SGTB: variants seen among roughly 807,000 people sequenced by gnomAD.
The protein encoded by SGTB is small glutamine rich tetratricopeptide repeat co-chaperone beta, also known as small glutamine-rich tetratricopeptide repeat-containing protein beta.
SGTB carries 19 observed loss-of-function variants against 43.9 expected under a neutral mutation model. That is an observed-to-expected ratio of 0.43 (90% confidence interval 0.30 to 0.63). The LOEUF is 0.63. Among genes scored for constraint, SGTB ranks in the 30% least tolerant of loss-of-function variants. The probability of loss-of-function intolerance (pLI) is 0.12; values close to 1 mark genes in which losing one functional copy is unlikely to be tolerated. For missense variants in SGTB, 304 were observed against 358.9 expected (o/e 0.85, Z 1.24); for synonymous variants, 116 against 117.3 (o/e 0.99, Z 0.07).
rs532635444 is a variant in SGTB at position 65,719,263 on chromosome 5, T to C, written c.100+1445A>G. ...GATTTATAACTATACTGTCATTTAT[T>C]AAGTTCTTCCAAATGCACTCTCACT... On this transcript the variant is annotated intron_variant, in intron 2 of 10. Transcript: ENST00000381007. Among the ~76,000 whole-genome samples, 5 of 152,318 alleles carry C rather than the reference T, an allele frequency of 3.3e-5. No individual in the cohort carries two copies. In the East Asian group the frequency reaches 9.6e-4, roughly 29 times the overall value.
At chr5:65,688,725 A>T (rs550896719) in intron 5 of SGTB, among the ~76,000 whole-genome samples, 1 of 152,330 alleles carries the variant, frequency 6.6e-6, no homozygotes, top group Non-Finnish European at 1.5e-5. Flanking sequence ...ACCTAGCAAA[A>T]GTTTTCAAAG....
At chr5:65,707,685 G>A (rs970477743) in intron 4 of SGTB, among the ~76,000 whole-genome samples, 3 of 151,910 alleles carry the variant, frequency 2.0e-5, no homozygotes, top group Non-Finnish European at 4.4e-5. Flanking sequence ...CACCCACCTC[G>A]GCCTCCCAAA....
chr5:65,679,254 T>C (rs566568726), intron 8 of SGTB, among the ~76,000 whole-genome samples: 17 of 152,284 alleles, frequency 1.1e-4, no homozygotes, highest in African/African-American at 2.9e-4. Flanking sequence ...CTCAACATCA[T>C]TGATCATTAG....
chr5:65,680,052 T>C (rs574665835), intron 8 of SGTB, among the ~76,000 whole-genome samples: 6 of 152,298 alleles, frequency 3.9e-5, no homozygotes, highest in East Asian at 1.9e-4. Context: ...ACCATTTTAC[T>C]TAACAAACTA....
At chr5:65,680,963 T>G (rs1757385493) in intron 6 of SGTB, among the ~76,000 whole-genome samples, 169 bp from the exon 7 acceptor site, 1 of 152,132 alleles carries the variant, frequency 6.6e-6, no homozygotes, top group Non-Finnish European at 1.5e-5. Flanking sequence ...CAACTTAAGA[T>G]TCTATATATC....
chr5:65,707,956 A>G (rs917809753), intron 4 of SGTB, among the ~76,000 whole-genome samples: 1 of 152,198 alleles, frequency 6.6e-6, no homozygotes, highest in Non-Finnish European at 1.5e-5. Context: ...AGCTTAACAT[A>G]GCTGACATAA....
At chr5:65,673,162 C>T (rs868667136) in intron 8 of SGTB, among the ~76,000 whole-genome samples, 1 of 152,218 alleles carries the variant, frequency 6.6e-6, no homozygotes, top group Non-Finnish European at 1.5e-5. Context: ...GTAAGCAATC[C>T]TCCTGTCACT....
chr5:65,703,834 G>A lies in SGTB; in HGVS notation c.374+445C>T, dbSNP rs1425288867. 3.3e-5 allele frequency among the ~76,000 whole-genome samples: 5 copies of A among 151,962 alleles called. 1 individual carries two copies. The highest frequency in any genetic ancestry group is 3.9e-4 in the East Asian group (2 of 5,178). On this transcript the variant is annotated intron_variant, in intron 5 of 10. Coordinates refer to ENST00000381007, the MANE Select transcript of SGTB (RefSeq NM_019072.3). ...AGGCAGATCACGAGGTCAGGGGATC[G>A]AGACCATCCTGGCTAACACGGTGAA...
intron 8 of SGTB, 127 bp downstream of exon 8, chr5:65,680,367 A>G (rs1757371112): frequency 1.1e-6 from 1 of 877,260 alleles, no homozygotes; most frequent in African/African-American, 1.7e-5. Flanking sequence ...GAACCCTGCT[A>G]TAGCCTTATA....
intron 5 of SGTB, among the ~76,000 whole-genome samples, chr5:65,686,841 G>A (rs1403511331): frequency 6.6e-6 from 1 of 152,088 alleles, no homozygotes; most frequent in African/African-American, 2.4e-5. Context: ...TATCAGTGAG[G>A]ATCCTTGCTA....
Position 65,673,405 on chromosome 5 carries a change from G to A in SGTB, c.682-1124C>T, listed in dbSNP as rs138150140. Among the ~76,000 whole-genome samples, 12 of 152,288 alleles carry A rather than the reference G, an allele frequency of 7.9e-5. 1 individual carries two copies. The highest frequency in any genetic ancestry group is 4.6e-4 in the Admixed American group (7 of 15,294). ...CCAGGCTGCACAGCAGCAGGTAAGC[G>A]GTGGGCGAGCAAGCATTACTGCCTG... On this transcript the variant is annotated intron_variant, in intron 8 of 10. Transcript: ENST00000381007.
intron 6 of SGTB, among the ~76,000 whole-genome samples, chr5:65,682,199 A>G (rs559640289): frequency 1.3e-5 from 2 of 152,344 alleles, no homozygotes; most frequent in South Asian, 4.1e-4. Context: ...AAAGGTCCCA[A>G]GAAAGATGCA....
chr5:65,696,797 C>T (rs1458589994), intron 5 of SGTB, among the ~76,000 whole-genome samples: 1 of 152,098 alleles, frequency 6.6e-6, no homozygotes, highest in Non-Finnish European at 1.5e-5. Flanking sequence ...TCAGGTTTTC[C>T]TTTTATCAAA....
intron 3 of SGTB, among the ~76,000 whole-genome samples, 164 bp from the exon 4 acceptor site, chr5:65,708,722 C>G (rs1322277591): frequency 6.6e-6 from 1 of 151,864 alleles, no homozygotes; most frequent in Non-Finnish European, 1.5e-5. Flanking sequence ...GGGGAAAAGT[C>G]CTCTCATATA....
At position 65,713,069 on chromosome 5, in the gene SGTB, A is replaced by T. The variant is rs756110370; in HGVS notation, c.101-5T>A. 5 of 1,599,530 alleles carry T rather than the reference A, an allele frequency of 3.1e-6. No homozygotes were observed. The East Asian group carries it at 1.1e-4, about 36-fold the overall frequency. ...TCTCCAAGCACTGAATTGCAACTTG[A>T]AATAAATTTTAATAGTAAAAAACAA... On this transcript the variant is annotated splice_region_variant and splice_polypyrimidine_tract_variant and intron_variant, in intron 2 of 10. Transcript: ENST00000381007.
At chr5:65,688,360 A>C (rs7705762) in intron 5 of SGTB, among the ~76,000 whole-genome samples, 7,326 of 152,194 alleles carry the variant, frequency 0.048, 573 homozygotes, top group African/African-American at 0.17. Flanking sequence ...TGGAAATCTG[A>C]TAACGGTGAT....
In SGTB at chr5:65,666,161, G is replaced by A. The variant is rs1757032536; in HGVS notation, c.*4085C>T. On this transcript the variant is annotated 3_prime_UTR_variant, in exon 11 of 11. Coordinates refer to ENST00000381007, the MANE Select transcript of SGTB (RefSeq NM_019072.3). ...ATTGGATACTTGGATTGTTTTTCAA[G>A]CATCTTCTTATGACTAAATCTTCTG... 1 of 152,458 alleles carries A rather than the reference G, an allele frequency of 6.6e-6. No homozygotes were observed. Among genetic ancestry groups the A allele is most frequent in the South Asian group, 2.1e-4 (1 of 4,828 alleles). The allele number at this position is 152,458 out of a possible 1,614,324, so 9.4% of individuals were successfully genotyped here.
Position 65,669,012 on chromosome 5 carries a change from A to G in SGTB, c.*1234T>C, listed in dbSNP as rs1757100746. The G allele has an allele frequency of 6.6e-6, 1 of 152,178 alleles. No individual in the cohort carries two copies. Among genetic ancestry groups the G allele is most frequent in the Non-Finnish European group, 1.5e-5 (1 of 68,040 alleles). The allele number at this position is 152,178 out of a possible 1,614,324, so 9.4% of individuals were successfully genotyped here. On this transcript the variant is annotated 3_prime_UTR_variant, in exon 11 of 11. Coordinates refer to ENST00000381007, the MANE Select transcript of SGTB (RefSeq NM_019072.3). ...ATTTCATTATTAATAAACAAAAAATATACTCTAGTTGGAATTAAACTCTCA... is the reference window on the plus strand; with the variant it reads ...ATTTCATTATTAATAAACAAAAAATGTACTCTAGTTGGAATTAAACTCTCA...
intron 5 of SGTB, among the ~76,000 whole-genome samples, chr5:65,695,857 C>A (rs1757705162): frequency 6.6e-6 from 1 of 152,118 alleles, no homozygotes; most frequent in African/African-American, 2.4e-5. Context: ...TTACAACTAC[C>A]CTTTGAAGTG....
Sources: allele counts gnomAD v4.1 joint callset (sites outside exome capture counted in the v4.1 genomes callset), GRCh38; gene constraint gnomAD v4.1.1; transcripts MANE v1.5; gene names NCBI Gene and HGNC (gene_info 2026-07-23, HGNC 2026-07-21).